The following EXOC4 variants were observed in gnomAD, a reference collection of about 807,000 sequenced individuals.
EXOC4 encodes the protein exocyst complex component 4, also known as SEC8-like 1.
Under a neutral mutation model 107.2 loss-of-function variants are expected in EXOC4, and 71 were observed. The ratio of observed to expected loss-of-function variants is 0.66; its 90% CI spans 0.55 to 0.81. The LOEUF is 0.81. EXOC4 is among the 30% of genes least tolerant of loss of function. EXOC4 has a pLI of 0.00. For missense variants in EXOC4, 1,108 were observed against 1,189.6 expected, an observed-to-expected ratio of 0.93 and a Z score of 1.01; for synonymous variants, 456 against 441.2, an observed-to-expected ratio of 1.03 and a Z score of -0.42.
chr7:133,328,258 T>G (rs1418689994), intron 5 of EXOC4, among the ~76,000 whole-genome samples: 1 of 152,116 alleles, frequency 6.6e-6, no homozygotes, highest in African/African-American at 2.4e-5. Flanking sequence ...ACCCCTGTTT[T>G]TTTTTTGCTT....
intron 9 of EXOC4, among the ~76,000 whole-genome samples, chr7:133,519,184 G>A (rs995204144): frequency 1.3e-5 from 2 of 152,080 alleles, no homozygotes; most frequent in African/African-American, 2.4e-5. Flanking sequence ...GGAGGCTGAG[G>A]TGGGTCAATT....
intron 10 of EXOC4, among the ~76,000 whole-genome samples, chr7:133,787,323 C>A (rs1201366073): frequency 2.0e-5 from 3 of 149,400 alleles, no homozygotes; most frequent in South Asian, 2.1e-4. Flanking sequence ...TGCACCACCA[C>A]AATAGGCTAA....
At chr7:133,867,852 G>C (rs1585210428) in intron 11 of EXOC4, among the ~76,000 whole-genome samples, 1 of 152,176 alleles carries the variant, frequency 6.6e-6, no homozygotes, top group East Asian at 1.9e-4. Context: ...CTTAATTAAA[G>C]GAAGATTATG....
intron 11 of EXOC4, among the ~76,000 whole-genome samples, chr7:133,860,822 TG>T (rs1239808728): frequency 6.6e-6 from 1 of 152,208 alleles, no homozygotes; most frequent in Non-Finnish European, 1.5e-5. Flanking sequence ...CATGATGTCA[TG>T]ATCTACCTAA....
At chr7:133,722,102 C>T (rs182148086) in intron 10 of EXOC4, among the ~76,000 whole-genome samples, 21 of 152,286 alleles carry the variant, frequency 1.4e-4, no homozygotes, top group African/African-American at 3.6e-4. Context: ...AATTCTGGCA[C>T]GCAAACAGGA....
chr7:133,463,422 T>C (rs945142823), intron 7 of EXOC4, among the ~76,000 whole-genome samples: 1 of 152,154 alleles, frequency 6.6e-6, no homozygotes, highest in African/African-American at 2.4e-5. Flanking sequence ...TACTGTGATA[T>C]GGATGTGAGA....
chr7:133,465,873 C>T (rs1197328241), intron 7 of EXOC4, among the ~76,000 whole-genome samples: 1 of 152,128 alleles, frequency 6.6e-6, no homozygotes, highest in Non-Finnish European at 1.5e-5. Context: ...CAGTGGCTCA[C>T]ACCTGTAATC....
intron 10 of EXOC4, among the ~76,000 whole-genome samples, chr7:133,732,279 C>A (rs1348023944): frequency 6.6e-6 from 1 of 152,138 alleles, no homozygotes; most frequent in Non-Finnish European, 1.5e-5. Flanking sequence ...ACACTGGGGC[C>A]TGTCAGGGGT....
intron 9 of EXOC4, among the ~76,000 whole-genome samples, chr7:133,500,201 TG>T (rs1799551622): frequency 6.6e-6 from 1 of 152,236 alleles, no homozygotes; most frequent in Admixed American, 6.5e-5. Context: ...TGATGAGTTT[TG>T]GAGGATATAT....
At chr7:133,538,573 T>TG (rs1361242565) in intron 9 of EXOC4, among the ~76,000 whole-genome samples, 2 of 152,030 alleles carry the variant, frequency 1.3e-5, no homozygotes, top group Non-Finnish European at 2.9e-5. Flanking sequence ...CTCAGTACTA[T>TG]GGGAGGCTGA....
intron 1 of EXOC4, among the ~76,000 whole-genome samples, chr7:133,256,066 C>T (rs760632074): frequency 2.0e-5 from 3 of 151,756 alleles, no homozygotes; most frequent in Non-Finnish European, 4.4e-5. Flanking sequence ...ACTGCAAGCT[C>T]CGCCTTCCGG....
intron 9 of EXOC4, among the ~76,000 whole-genome samples, chr7:133,529,838 G>C (rs1172688383): frequency 6.6e-6 from 1 of 152,100 alleles, no homozygotes; most frequent in Non-Finnish European, 1.5e-5. Context: ...TCTATTCGGA[G>C]AGTTATTCAG....
intron 10 of EXOC4, among the ~76,000 whole-genome samples, chr7:133,687,875 G>GA (rs917335059): frequency 1.1e-4 from 16 of 149,532 alleles, no homozygotes; most frequent in Admixed American, 4.7e-4. Context: ...ATGTGACTTG[G>GA]AAAAAAAAAC....
chr7:134,063,738 AT>A (rs1489451426), intron 17 of EXOC4, among the ~76,000 whole-genome samples: 1 of 152,216 alleles, frequency 6.6e-6, no homozygotes, highest in Non-Finnish European at 1.5e-5. Flanking sequence ...CATTAGCATC[AT>A]TATAGTTCTA....
At chr7:133,812,269 C>A (rs1443501445) in intron 10 of EXOC4, among the ~76,000 whole-genome samples, 1 of 152,182 alleles carries the variant, frequency 6.6e-6, no homozygotes, top group East Asian at 1.9e-4. Context: ...TACTGTGTGC[C>A]GGTCTCTGTT....
intron 14 of EXOC4, among the ~76,000 whole-genome samples, chr7:133,984,991 C>CT (rs1004169101): frequency 6.6e-6 from 1 of 152,062 alleles, no homozygotes; most frequent in East Asian, 1.9e-4. Context: ...GGTTTTTACT[C>CT]TTTTTTGGGA....
intron 11 of EXOC4, among the ~76,000 whole-genome samples, chr7:133,833,484 T>G (rs1797854283): frequency 6.6e-6 from 1 of 152,352 alleles, no homozygotes; most frequent in South Asian, 2.1e-4. Context: ...GTTGTTTTTG[T>G]TAAGCTTCTG....
intron 10 of EXOC4, among the ~76,000 whole-genome samples, chr7:133,724,153 G>GT (rs1157137204): frequency 6.6e-6 from 1 of 152,160 alleles, no homozygotes; most frequent in Non-Finnish European, 1.5e-5. Flanking sequence ...CTAATCAATG[G>GT]TAAGTTTAGT....
chr7:133,942,447 T>C (rs1004166305), intron 14 of EXOC4, among the ~76,000 whole-genome samples: 3 of 152,188 alleles, frequency 2.0e-5, no homozygotes, highest in African/African-American at 7.2e-5. Context: ...TCTCATAGTT[T>C]TGGTTGCCAG....
Sources: allele counts gnomAD v4.1 joint callset (sites outside exome capture counted in the v4.1 genomes callset), GRCh38; gene constraint gnomAD v4.1.1; transcripts MANE v1.5; gene names NCBI Gene and HGNC (gene_info 2026-07-23, HGNC 2026-07-21).